PHF21A: variants seen among roughly 807,000 people sequenced by gnomAD.
The protein encoded by PHF21A is BHC80a.
A neutral mutation model predicts 82.5 loss-of-function variants in PHF21A; 11 were observed. The ratio of observed to expected loss-of-function variants is 0.13; its 90% CI spans 0.08 to 0.22. The LOEUF is 0.22. Among genes scored for constraint, PHF21A ranks in the 10% least tolerant of loss-of-function variants. The pLI, the probability that PHF21A is intolerant of heterozygous loss-of-function variation, is 1.00. For synonymous variants in PHF21A, 297 were observed against 302.8 expected (o/e 0.98, Z 0.20); for missense variants, 579 against 837.8 (o/e 0.69, Z 3.81).
At chr11:45,997,301 T>G (rs986071649) in intron 6 of PHF21A, among the ~76,000 whole-genome samples, 2 of 152,194 alleles carry the variant, frequency 1.3e-5, no homozygotes, top group African/African-American at 4.8e-5. Context: ...TTATCACTAG[T>G]GTATCCTTTT....
At chr11:46,085,027 GGGTTTCTCGGA>G (rs2096840167) in intron 3 of PHF21A, among the ~76,000 whole-genome samples, 1 of 152,006 alleles carries the variant, frequency 6.6e-6, no homozygotes, top group South Asian at 2.1e-4. Flanking sequence ...GGAGAGTTCA[GGGTTTCTCGGA>G]GGTTAACGAA....
chr11:45,974,330 G>C (rs1174288375), intron 7 of PHF21A, among the ~76,000 whole-genome samples: 4 of 152,032 alleles, frequency 2.6e-5, no homozygotes, highest in African/African-American at 7.2e-5. Flanking sequence ...AAGGAATTTA[G>C]AACTTTGAAA....
In PHF21A at chr11:45,935,714, T is replaced by C; in HGVS notation, c.1710A>G (p.Leu570=). 1 of 1,317,790 alleles carries C rather than the reference T, an allele frequency of 7.6e-7. No individual in the cohort carries two copies. Among genetic ancestry groups the C allele is most frequent in the Non-Finnish European group, 1.1e-6 (1 of 933,810 alleles). 81.6% of individuals were successfully genotyped at this position (1,317,790 alleles called of 1,614,324 possible). ...KAAKEEEKQK[L]LKWSSDLKQE... is the part of the protein sequence containing the mutation. ...GTTTTAAATCTGAACTCCATTTAAG[T>C]AACTTCTGTTTCTCTTCTTCTTTTG... Residue 570 remains leucine (L), a synonymous_variant, in exon 18 of 19, where the codon TTA becomes TTG. Coordinates refer to ENST00000676320, the MANE Select transcript of PHF21A (RefSeq NM_001352027.3).
intron 7 of PHF21A, among the ~76,000 whole-genome samples, chr11:45,972,381 T>C (rs920213413): frequency 6.6e-6 from 1 of 152,210 alleles, no homozygotes; most frequent in African/African-American, 2.4e-5. Flanking sequence ...CATGAAAATT[T>C]ATCTGGTCAA....
chr11:45,965,345 T>C lies in PHF21A; in HGVS notation c.966A>G (p.Val322=). Residue 322 remains valine, a synonymous_variant, in exon 10 of 19, where the codon GTA becomes GTG. Coordinates refer to ENST00000676320, the MANE Select transcript of PHF21A (RefSeq NM_001352027.3). The stretch of plus-strand genomic sequence containing the variant: ...TTTCAAGACTTGGCTTGCTAAGCTG[T>C]ACAGTTTGAGGTCCAGCGAGTCTGG... The part of the protein sequence containing the change: ...PGTRLAGPQT[V]QLSKPSLEKQ... The C allele has an allele frequency of 6.2e-7, 1 of 1,613,782 alleles. No homozygotes were observed. Among genetic ancestry groups the C allele is most frequent in the South Asian group, 1.1e-5 (1 of 90,952 alleles).
intron 6 of PHF21A, among the ~76,000 whole-genome samples, chr11:46,068,176 A>T (rs2096616658): frequency 6.6e-6 from 1 of 152,166 alleles, no homozygotes. Context: ...GGTCATAACC[A>T]GTCACATGGA....
chr11:45,953,630 GA>G lies in PHF21A; in HGVS notation c.997-6del, dbSNP rs2092373400. The G allele has an allele frequency of 6.3e-7, 1 of 1,592,466 alleles. No homozygotes were observed. Among genetic ancestry groups the G allele is most frequent in the Admixed American group, 1.7e-5 (1 of 59,524 alleles). ...TTCTGTGTGAGATTTAACTGTCTAG[GA>G]GAGAAAAATTAAATAAAAATTCAGA... On this transcript the variant is annotated splice_region_variant and splice_polypyrimidine_tract_variant and intron_variant, in intron 10 of 18. Transcript: ENST00000676320.
intron 3 of PHF21A, among the ~76,000 whole-genome samples, chr11:46,086,177 G>A (rs1412502028): frequency 2.6e-5 from 4 of 151,378 alleles, no homozygotes; most frequent in Admixed American, 2.6e-4. Context: ...GGAGTGCAGT[G>A]GCACGATCTC....
intron 1 of PHF21A, among the ~76,000 whole-genome samples, chr11:46,111,830 C>T (rs1258051587): frequency 3.3e-5 from 5 of 152,182 alleles, no homozygotes; most frequent in Admixed American, 1.3e-4. Context: ...ACTACACTTT[C>T]TTTCTGGGGC....
intron 6 of PHF21A, among the ~76,000 whole-genome samples, chr11:46,044,110 T>A (rs2096212452): frequency 6.6e-6 from 1 of 152,144 alleles, no homozygotes; most frequent in African/African-American, 2.4e-5. Context: ...TAAAATTGAC[T>A]AGAATCAAGT....
At chr11:45,995,584 A>T (rs1439996462) in intron 6 of PHF21A, among the ~76,000 whole-genome samples, 1 of 151,970 alleles carries the variant, frequency 6.6e-6, no homozygotes, top group East Asian at 1.9e-4. Context: ...TTATAATTAC[A>T]CTCCATTAAC....
chr11:46,055,607 G>T (rs1485596529), intron 6 of PHF21A, among the ~76,000 whole-genome samples: 1 of 152,000 alleles, frequency 6.6e-6, no homozygotes, highest in Non-Finnish European at 1.5e-5. Flanking sequence ...TTACTAGTAG[G>T]TCATCTGAAC....
intron 6 of PHF21A, among the ~76,000 whole-genome samples, chr11:46,036,856 A>C (rs559408678): frequency 1.3e-5 from 2 of 152,226 alleles, no homozygotes; most frequent in African/African-American, 4.8e-5. Flanking sequence ...CTGTTGTTTA[A>C]ATAGCATTTT....
chr11:45,967,847 T>C (rs547393826), intron 9 of PHF21A, among the ~76,000 whole-genome samples: 4 of 152,370 alleles, frequency 2.6e-5, no homozygotes, highest in Admixed American at 1.3e-4. Flanking sequence ...CATGTGCCTA[T>C]AGACATGTAT....
intron 5 of PHF21A, among the ~76,000 whole-genome samples, chr11:46,078,217 C>G (rs927299766): frequency 1.3e-5 from 2 of 152,150 alleles, no homozygotes; most frequent in Admixed American, 1.3e-4. Flanking sequence ...AGTCAAAACA[C>G]AATAGTTAGA....
chr11:45,935,603 G>A (rs1420199618), intron 18 of PHF21A, 33 bp downstream of exon 18: 3 of 1,003,120 alleles, frequency 3.0e-6, no homozygotes, highest in Admixed American at 3.4e-5. Context: ...CTGCACCTAT[G>A]TATCGACTGC....
At chr11:46,118,990 TAAA>T in intron 1 of PHF21A, among the ~76,000 whole-genome samples, 1 of 152,126 alleles carries the variant, frequency 6.6e-6, no homozygotes, top group Non-Finnish European at 1.5e-5. Context: ...AGGCCCTCAA[TAAA>T]GCTACAGATG....
At chr11:45,992,759 C>T (rs77314809) in intron 6 of PHF21A, among the ~76,000 whole-genome samples, 4,199 of 152,206 alleles carry the variant, frequency 0.028, 79 homozygotes, top group Admixed American at 0.056. Context: ...GGGAAACACA[C>T]AACTATATAC....
intron 1 of PHF21A, among the ~76,000 whole-genome samples, chr11:46,101,184 G>GT (rs1046793631): frequency 2.0e-5 from 3 of 152,198 alleles, no homozygotes; most frequent in Non-Finnish European, 4.4e-5. Flanking sequence ...AAAAGCAGGA[G>GT]TAAGAAAAGC....
Sources: allele counts gnomAD v4.1 joint callset (sites outside exome capture counted in the v4.1 genomes callset), GRCh38; gene constraint gnomAD v4.1.1; transcripts MANE v1.5; gene names NCBI Gene and HGNC (gene_info 2026-07-23, HGNC 2026-07-21).